SYNE3: variants seen among roughly 807,000 people sequenced by gnomAD.
SYNE3 encodes the protein nesprin-3.
Under a neutral mutation model 111.2 loss-of-function variants are expected in SYNE3, and 100 were observed. That is an observed-to-expected ratio of 0.90 (90% CI 0.77 to 1.06). The LOEUF (loss-of-function observed/expected upper bound fraction) is 1.06, where lower values mean the gene tolerates loss of function less well. Ranked by LOEUF, SYNE3 falls within the 50% of genes least tolerant of loss-of-function variation. The probability of loss-of-function intolerance (pLI) is 0.00; values close to 1 mark genes in which losing one functional copy is unlikely to be tolerated. For missense variants in SYNE3, 1,160 were observed against 1,240.3 expected, an observed-to-expected ratio of 0.94 and a Z score of 0.97; for synonymous variants, 547 against 533.9, an observed-to-expected ratio of 1.02 and a Z score of -0.34.
chr14:95,496,981 C>A (rs537023316), intron 1 of SYNE3, among the ~76,000 whole-genome samples: 6 of 152,348 alleles, frequency 3.9e-5, no homozygotes, highest in African/African-American at 1.4e-4. Flanking sequence ...TTAGCATCAG[C>A]TGCTGGCCCT....
chr14:95,454,759 G>A (rs1415791406), intron 6 of SYNE3, among the ~76,000 whole-genome samples: 2 of 152,330 alleles, frequency 1.3e-5, no homozygotes, highest in South Asian at 2.1e-4. Flanking sequence ...TCATGAAGTC[G>A]TGATCCTGAG....
rs1199875697 is a variant in SYNE3 at position 95,466,095 on chromosome 14, G to A, written c.463C>T (p.His155Tyr). 1 of 1,613,170 alleles carries A rather than the reference G, an allele frequency of 6.2e-7. No homozygotes were observed. Among genetic ancestry groups the A allele is most frequent in the East Asian group, 2.2e-5 (1 of 44,858 alleles). The change falls in exon 4 of 18, where the codon CAC (histidine) becomes TAC (tyrosine). Residue 155 changes from histidine to tyrosine, a missense_variant. By Grantham distance (83) the His-to-Tyr change is moderately conservative (BLOSUM62 2). Transcript: ENST00000682763. ...GLKEKQWQLS[H>Y]AQVLLHNVDN... ...ACGTTGTGCAGCAGCACCTGGGCGT[G>A]GCTCAGCTGCCACTGCTTCTCCTTC... is the stretch of plus-strand genomic sequence containing the variant.
chr14:95,437,396 A>G (rs4905303), intron 14 of SYNE3, among the ~76,000 whole-genome samples: 30,044 of 152,174 alleles, frequency 0.2, 3,077 homozygotes, highest in South Asian at 0.26. Flanking sequence ...TCCACTGCGC[A>G]TGCTGTCTTC....
At chr14:95,444,767 T>C in intron 9 of SYNE3, 139 bp from the exon 10 acceptor site, 1 of 1,106,836 alleles carries the variant, frequency 9.0e-7, no homozygotes, top group Non-Finnish European at 1.2e-6. Context: ...CCAGGAAGCC[T>C]TCCCTGAGCC....
chr14:95,499,044 C>T (rs1328337830), intron 1 of SYNE3, among the ~76,000 whole-genome samples: 2 of 152,188 alleles, frequency 1.3e-5, no homozygotes, highest in African/African-American at 2.4e-5. Context: ...GAGTTCTTGG[C>T]GGGAGTGAAT....
In SYNE3 at chr14:95,479,224, C is replaced by CAAAAAAAAAAAAAAAAAAAA. The variant is rs71132351; in HGVS notation, c.-14-3409_-14-3390dup. On this transcript the variant is annotated intron_variant, in intron 1 of 17. Coordinates refer to ENST00000682763, the MANE Select transcript of SYNE3 (RefSeq NM_152592.6). ...CAGCATAGTGAGACCTCGTCTCTAC[C>CAAAAAAAAAAAAAAAAAAAA]AAAAAAAAAAAAAAAAAAAAAAAAA... Among the ~76,000 whole-genome samples the CAAAAAAAAAAAAAAAAAAAA allele has an allele frequency of 5.8e-5, 5 of 86,296 alleles. No individual in the cohort carries two copies. In the Admixed American group the frequency reaches 8.5e-4, roughly 15 times the overall value. The allele number at this position is 86,296 out of a possible 152,430, so 56.6% of individuals were successfully genotyped here.
At chr14:95,465,887 T>C (rs371459719) in intron 4 of SYNE3, 44 bp downstream of exon 4, 548 of 1,527,780 alleles carry the variant, frequency 3.6e-4, no homozygotes, top group Non-Finnish European at 4.7e-4. Flanking sequence ...GGTGGATACA[T>C]GGATGGGTGG....
At chr14:95,459,300 C>T (rs913859710) in intron 4 of SYNE3, among the ~76,000 whole-genome samples, 4 of 152,362 alleles carry the variant, frequency 2.6e-5, no homozygotes, top group African/African-American at 9.6e-5. Context: ...CTAGCTCATG[C>T]TTATAATCCC....
At chr14:95,464,555 T>C (rs1455413082) in intron 4 of SYNE3, among the ~76,000 whole-genome samples, 1 of 152,198 alleles carries the variant, frequency 6.6e-6, no homozygotes, top group African/African-American at 2.4e-5. Context: ...CCCTTCAGAA[T>C]ATGGAGTTGG....
At position 95,407,974 on chromosome 14, in the gene SYNE3, AG is replaced by A. The variant is rs561901854; in HGVS notation, c.*9851del. 1.6e-4 allele frequency: 24 copies of A among 152,310 alleles called. No homozygotes were observed. Among genetic ancestry groups the A allele is most frequent in the African/African-American group, 5.3e-4 (22 of 41,578 alleles). The allele number at this position is 152,310 out of a possible 1,614,324, so 9.4% of individuals were successfully genotyped here. ...GTTTATGAGAACCTCGTTTATGCAGAGGTTGGACTCAAGGCGATCGCAGCAC... is the reference window on the plus strand; with the variant it reads ...GTTTATGAGAACCTCGTTTATGCAGAGTTGGACTCAAGGCGATCGCAGCAC... On this transcript the variant is annotated 3_prime_UTR_variant, in exon 18 of 18. Coordinates refer to ENST00000682763, the MANE Select transcript of SYNE3 (RefSeq NM_152592.6).
At chr14:95,455,868 G>A in intron 5 of SYNE3, 144 bp from the exon 6 acceptor site, 1 of 774,042 alleles carries the variant, frequency 1.3e-6, no homozygotes, top group East Asian at 2.7e-5. Flanking sequence ...CTTCCCAAGG[G>A]CTGGACTGTC....
At chr14:95,508,613 T>G (rs1486355345) in intron 1 of SYNE3, among the ~76,000 whole-genome samples, 2 of 152,176 alleles carry the variant, frequency 1.3e-5, no homozygotes, top group Admixed American at 6.5e-5. Flanking sequence ...GAGATCTCAA[T>G]GCAGAGACGG....
At chr14:95,483,635 G>A (rs536383674) in intron 1 of SYNE3, among the ~76,000 whole-genome samples, 7 of 152,258 alleles carry the variant, frequency 4.6e-5, no homozygotes, top group South Asian at 4.1e-4. Context: ...TGTGTGAAAG[G>A]AGGGATAGGA....
At chr14:95,456,181 A>C (rs899288892) in intron 5 of SYNE3, 1 of 196,830 alleles carries the variant, frequency 5.1e-6, no homozygotes, top group Middle Eastern at 1.9e-3. Context: ...AATAATCATC[A>C]GTTTTTTTAA....
At chr14:95,425,854 A>C (rs1228236358) in intron 17 of SYNE3, among the ~76,000 whole-genome samples, 1 of 152,274 alleles carries the variant, frequency 6.6e-6, no homozygotes, top group Non-Finnish European at 1.5e-5. Context: ...TTTTATCAAC[A>C]TTGAGTGTTA....
At chr14:95,439,218 A>G in intron 13 of SYNE3, 56 bp from the exon 14 acceptor site, 2 of 1,605,914 alleles carry the variant, frequency 1.2e-6, no homozygotes, top group Non-Finnish European at 1.7e-6. Flanking sequence ...ACCCACCAGG[A>G]CATGGGAAAA....
chr14:95,515,317 T>C (rs1890876858), intron 1 of SYNE3, among the ~76,000 whole-genome samples: 1 of 152,364 alleles, frequency 6.6e-6, no homozygotes, highest in East Asian at 1.9e-4. Context: ...AGCATCCCGC[T>C]GGGGCACAGT....
chr14:95,494,193 G>A (rs983011013), intron 1 of SYNE3, among the ~76,000 whole-genome samples: 13 of 152,124 alleles, frequency 8.5e-5, no homozygotes, highest in African/African-American at 2.2e-4. Flanking sequence ...TGCCTGGCGC[G>A]GTGCCACTAG....
intron 7 of SYNE3, 22 bp downstream of exon 7, chr14:95,452,225 C>G (rs747891567): frequency 1.9e-6 from 3 of 1,566,934 alleles, no homozygotes; most frequent in African/African-American, 2.7e-5. Context: ...TGAGTCCCAC[C>G]ACCCTTGGCC....
Sources: gnomAD v4.1 joint callset for allele counts (sites outside exome capture counted in the v4.1 genomes callset) on GRCh38, gnomAD v4.1.1 for gene constraint, MANE v1.5 for transcripts, NCBI Gene and HGNC (gene_info 2026-07-23, HGNC 2026-07-21) for gene names.